Variants in NCAM2 observed in about 807,000 individuals in gnomAD.
The protein encoded by NCAM2 is neural cell adhesion molecule 2.
A neutral mutation model predicts 98.1 loss-of-function variants in NCAM2; 30 were observed. The observed-to-expected ratio is 0.31, with a 90% CI of 0.23 to 0.41. NCAM2 has a LOEUF of 0.41. Among genes scored for constraint, NCAM2 ranks in the 10% least tolerant of loss-of-function variants. NCAM2 has a pLI of 1.00. For missense variants in NCAM2, 867 were observed against 1,005.8 expected (o/e 0.86, Z 1.87); for synonymous variants, 368 against 342.4 (o/e 1.07, Z -0.83).
chr21:21,049,875 A>G (rs2065072541), intron 1 of NCAM2, among the ~76,000 whole-genome samples: 1 of 152,004 alleles, frequency 6.6e-6, no homozygotes, highest in African/African-American at 2.4e-5. Flanking sequence ...CCATCTCAAA[A>G]AAAAAAAAAT....
intron 1 of NCAM2, among the ~76,000 whole-genome samples, chr21:21,275,819 G>A (rs1455139359): frequency 6.6e-6 from 1 of 151,972 alleles, no homozygotes; most frequent in East Asian, 1.9e-4. Flanking sequence ...CAATTTGTCA[G>A]TAATTTTACC....
chr21:21,174,215 G>A (rs1021808567), intron 1 of NCAM2, among the ~76,000 whole-genome samples: 3 of 152,058 alleles, frequency 2.0e-5, no homozygotes, highest in Admixed American at 6.6e-5. Flanking sequence ...GAGCCGCTGC[G>A]CCTGGCCAAC....
At chr21:21,468,588 C>A (rs775568511) in intron 13 of NCAM2, 74 bp from the exon 14 acceptor site, 3 of 1,415,666 alleles carry the variant, frequency 2.1e-6, no homozygotes, top group South Asian at 2.8e-5. Context: ...CATTACTGTT[C>A]TTTTTATTAA....
At chr21:21,147,436 G>T (rs1347751315) in intron 1 of NCAM2, among the ~76,000 whole-genome samples, 2 of 151,624 alleles carry the variant, frequency 1.3e-5, no homozygotes, top group African/African-American at 4.8e-5. Flanking sequence ...TTGAGACAGG[G>T]TCTTGCCCTG....
intron 12 of NCAM2, among the ~76,000 whole-genome samples, chr21:21,451,911 G>T (rs1319630534): frequency 1.3e-5 from 2 of 151,960 alleles, no homozygotes; most frequent in African/African-American, 4.8e-5. Context: ...TGGTAGTGTT[G>T]TCTTTTTTCC....
chr21:21,125,594 A>G (rs2146589547), intron 1 of NCAM2, among the ~76,000 whole-genome samples: 1 of 131,902 alleles, frequency 7.6e-6, no homozygotes, highest in East Asian at 2.1e-4. Context: ...ATACATATTT[A>G]TTAAATATAT....
At chr21:21,101,888 TATAA>T (rs1357257354) in intron 1 of NCAM2, among the ~76,000 whole-genome samples, 1 of 152,098 alleles carries the variant, frequency 6.6e-6, no homozygotes, top group Non-Finnish European at 1.5e-5. Context: ...CTTTGACAAT[TATAA>T]ATAGTGTTTA....
intron 1 of NCAM2, among the ~76,000 whole-genome samples, chr21:21,201,078 C>T (rs1361950242): frequency 6.6e-6 from 1 of 152,126 alleles, no homozygotes; most frequent in African/African-American, 2.4e-5. Context: ...TGAGAGACTA[C>T]TGATACTTCC....
intron 1 of NCAM2, among the ~76,000 whole-genome samples, chr21:21,165,521 G>A (rs959105815): frequency 3.3e-5 from 5 of 152,012 alleles, no homozygotes; most frequent in South Asian, 2.1e-4. Context: ...ACATAACCAC[G>A]CATACTCTTA....
At chr21:21,026,765 T>A (rs7278158) in intron 1 of NCAM2, among the ~76,000 whole-genome samples, 152,242 of 152,242 alleles carry the variant, frequency 1, 76,121 homozygotes, top group Non-Finnish European at 1. Context: ...TCTCATTTTG[T>A]GGAGAAAATA....
rs1186920454 is a variant in NCAM2, at chr21:21,466,722, G to A, written c.1771G>A (p.Val591Ile). The change falls in exon 13 of 18, where the codon GTT becomes ATT. Residue 591 changes from valine to isoleucine, a missense_variant. Val to Ile is a conservative substitution (Grantham distance 29). Coordinates refer to ENST00000400546, the MANE Select transcript of NCAM2 (RefSeq NM_004540.5). ...SKIEIFQTLP[V>I]REPSPPSIHG... ...AATAGAAATCTTCCAAACATTACCAGTTCGTAAGTAATCATCTCTATTTTT... is the reference window on the plus strand; with the variant it reads ...AATAGAAATCTTCCAAACATTACCAATTCGTAAGTAATCATCTCTATTTTT... 3.1e-6 allele frequency: 5 copies of A among 1,598,246 alleles called. No homozygotes were observed. The highest frequency in any genetic ancestry group is 1.4e-5 in the African/African-American group (1 of 73,912).
chr21:21,439,493 T>C (rs1350763522), intron 12 of NCAM2, among the ~76,000 whole-genome samples: 1 of 152,210 alleles, frequency 6.6e-6, no homozygotes, highest in Non-Finnish European at 1.5e-5. Context: ...ATATTTGTGG[T>C]AGAGAAACTT....
intron 1 of NCAM2, among the ~76,000 whole-genome samples, chr21:21,195,467 A>G (rs2068971687): frequency 1.3e-5 from 2 of 152,204 alleles, no homozygotes. Flanking sequence ...ATGAATGTGC[A>G]TTCTTCTTTT....
Position 21,116,137 on chromosome 21 carries a change from C to G in NCAM2, c.55+117519C>G, listed in dbSNP as rs555348518. Among the ~76,000 whole-genome samples the G allele has an allele frequency of 2.6e-5, 4 of 151,940 alleles. No homozygotes were observed. In the East Asian group the frequency reaches 7.8e-4, roughly 30 times the overall value. On this transcript the variant is annotated intron_variant, in intron 1 of 17. Transcript: ENST00000400546. ...TATTCAGGAAAATAAAATGTATTTT[C>G]TTGCGTTTATTAGTTTAGGATCCAT...
chr21:21,361,227 TAC>T (rs143161852), intron 8 of NCAM2, among the ~76,000 whole-genome samples: 3 of 151,398 alleles, frequency 2.0e-5, no homozygotes, highest in Admixed American at 1.3e-4. Flanking sequence ...TTTCTCTTGA[TAC>T]ACACACACAC....
intron 12 of NCAM2, among the ~76,000 whole-genome samples, chr21:21,454,677 T>G (rs1981858831): frequency 6.6e-6 from 1 of 152,000 alleles, no homozygotes; most frequent in Non-Finnish European, 1.5e-5. Context: ...TTTGTGATCC[T>G]AGGTTAAAAA....
chr21:21,525,311 A>C (rs972783875), intron 16 of NCAM2, among the ~76,000 whole-genome samples: 1 of 152,120 alleles, frequency 6.6e-6, no homozygotes, highest in Non-Finnish European at 1.5e-5. Context: ...AAAATACACA[A>C]GAATATCAGA....
intron 5 of NCAM2, among the ~76,000 whole-genome samples, chr21:21,299,881 G>A (rs1373485): frequency 0.8 from 121,858 of 151,752 alleles, 49,106 homozygotes; most frequent in East Asian, 0.99. Flanking sequence ...GAATGCTCAA[G>A]TCCCTTTATG....
intron 1 of NCAM2, among the ~76,000 whole-genome samples, chr21:21,073,175 T>C (rs1019236821): frequency 2.0e-5 from 3 of 152,256 alleles, no homozygotes; most frequent in African/African-American, 7.2e-5. Context: ...GGCTGAATTA[T>C]ATTCCATTGT....
Sources: allele counts gnomAD v4.1 joint callset (sites outside exome capture counted in the v4.1 genomes callset), GRCh38; gene constraint gnomAD v4.1.1; transcripts MANE v1.5; gene names NCBI Gene and HGNC (gene_info 2026-07-23, HGNC 2026-07-21).